Variants in DUSP29 observed in about 807,000 individuals in gnomAD.
The protein encoded by DUSP29 is dual specificity phosphatase 29, also known as atypical dual-specific protein phosphatase.
A neutral mutation model predicts 13.5 loss-of-function variants in DUSP29; 12 were observed. The ratio of observed to expected loss-of-function variants is 0.89; its 90% CI spans 0.57 to 1.44. The LOEUF (loss-of-function observed/expected upper bound fraction) is 1.44. DUSP29 is among the 40% of genes most tolerant of loss of function. The probability of loss-of-function intolerance (pLI) is 0.00; values close to 1 mark genes in which losing one functional copy is unlikely to be tolerated. For missense variants in DUSP29, 308 were observed against 301.1 expected (o/e 1.02, Z -0.17); for synonymous variants, 134 against 128.7 (o/e 1.04, Z -0.28).
At chr10:75,060,855 A>C (rs1315284186) in intron 1 of DUSP29, among the ~76,000 whole-genome samples, 1 of 152,226 alleles carries the variant, frequency 6.6e-6, no homozygotes, top group African/African-American at 2.4e-5. Context: ...TTCCGAGGAC[A>C]GTTACGTTAT....
chr10:75,043,816 T>C lies in DUSP29; in HGVS notation c.402A>G (p.Arg134=). 5 of 1,613,402 alleles carry C rather than the reference T, an allele frequency of 3.1e-6. No individual in the cohort carries two copies. The highest frequency in any genetic ancestry group is 1.1e-5 in the South Asian group (1 of 91,068). Residue 134 remains arginine (R), a synonymous_variant, in exon 3 of 4, where the codon AGA becomes AGG. Coordinates refer to ENST00000338487, the MANE Select transcript of DUSP29 (RefSeq NM_001003892.3). ...FFYPAAAFID[R]ALSDDHSKIL... ...TCTTACTGTGGTCGTCGCTTAGCGC[T>C]CTGTCGATGAAGGCTGCCGCCGGGT...
At chr10:75,038,676 G>A (rs983798614) in intron 3 of DUSP29, among the ~76,000 whole-genome samples, 12 of 149,926 alleles carry the variant, frequency 8.0e-5, no homozygotes, top group Non-Finnish European at 1.5e-4. Flanking sequence ...CTGTTAAGTG[G>A]CAGAGGGGAG....
chr10:75,059,960 A>T (rs1847051093), intron 1 of DUSP29, among the ~76,000 whole-genome samples: 1 of 152,078 alleles, frequency 6.6e-6, no homozygotes, highest in South Asian at 2.1e-4. Context: ...GGAGTTCAAG[A>T]CCAGACTGCC....
chr10:75,067,796 A>G (rs960915377), intron 1 of DUSP29, among the ~76,000 whole-genome samples: 2 of 151,780 alleles, frequency 1.3e-5, no homozygotes, highest in African/African-American at 4.8e-5. Context: ...CCCTGTCTCT[A>G]TAAGAAAATA....
intron 1 of DUSP29, among the ~76,000 whole-genome samples, chr10:75,070,889 A>G (rs190492955): frequency 6.6e-6 from 1 of 152,212 alleles, no homozygotes; most frequent in Admixed American, 6.5e-5. Flanking sequence ...GTGAATGGTC[A>G]CCAGAAGAGG....
chr10:75,058,335 G>C lies in DUSP29; in HGVS notation c.180C>G (p.Pro60=), dbSNP rs1847010193. Residue 60 remains proline, a synonymous_variant, in exon 2 of 4, where the codon CCC becomes CCG. Coordinates refer to ENST00000338487, the MANE Select transcript of DUSP29 (RefSeq NM_001003892.3). ...PQYTHVNEVW[P]KLYIGDEATA... ...CTTACTCATCGCCAATGTAGAGCTT[G>C]GGCCAGACCTCGTTGACGTGGGTGT... The C allele has an allele frequency of 9.9e-6, 16 of 1,613,888 alleles. No homozygotes were observed. The highest frequency in any genetic ancestry group is 1.4e-5 in the Non-Finnish European group (16 of 1,179,922).
At chr10:75,047,211 A>C (rs1846725831) in intron 2 of DUSP29, among the ~76,000 whole-genome samples, 1 of 152,172 alleles carries the variant, frequency 6.6e-6, no homozygotes, top group Non-Finnish European at 1.5e-5. Flanking sequence ...ATCCTCACAC[A>C]TCACTCTGGG....
chr10:75,063,776 T>G (rs1014381812), intron 1 of DUSP29, among the ~76,000 whole-genome samples: 2 of 152,162 alleles, frequency 1.3e-5, no homozygotes, highest in Non-Finnish European at 1.5e-5. Flanking sequence ...TAAACCAAGG[T>G]ACAGCTAATT....
At chr10:75,065,647 G>A (rs1847184630) in intron 1 of DUSP29, among the ~76,000 whole-genome samples, 1 of 151,856 alleles carries the variant, frequency 6.6e-6, no homozygotes, top group African/African-American at 2.4e-5. Flanking sequence ...ATTTTGAAGA[G>A]CCACATACAG....
chr10:75,070,890 C>G (rs923314845), intron 1 of DUSP29, among the ~76,000 whole-genome samples: 1 of 152,198 alleles, frequency 6.6e-6, no homozygotes, highest in Admixed American at 6.5e-5. Flanking sequence ...TGAATGGTCA[C>G]CAGAAGAGGA....
chr10:75,039,102 T>C (rs1294230472), intron 3 of DUSP29, among the ~76,000 whole-genome samples: 1 of 152,214 alleles, frequency 6.6e-6, no homozygotes, highest in Non-Finnish European at 1.5e-5. Flanking sequence ...TCCCAACTTC[T>C]GTCAGAGCTC....
chr10:75,071,090 C>G (rs116282691), intron 1 of DUSP29, among the ~76,000 whole-genome samples: 39 of 152,310 alleles, frequency 2.6e-4, no homozygotes, highest in African/African-American at 8.7e-4. Flanking sequence ...GGCACCAGAG[C>G]AAAGGGGCTA....
chr10:75,054,544 C>T (rs1266518487), intron 2 of DUSP29, among the ~76,000 whole-genome samples: 1 of 151,946 alleles, frequency 6.6e-6, no homozygotes, highest in East Asian at 1.9e-4. Flanking sequence ...AAACAAATTC[C>T]AAAACCAAAA....
At chr10:75,042,824 A>G (rs1432158720) in intron 3 of DUSP29, among the ~76,000 whole-genome samples, 1 of 152,244 alleles carries the variant, frequency 6.6e-6, no homozygotes, top group East Asian at 1.9e-4. Context: ...GTAACCAGAT[A>G]CCCTGAATTA....
intron 3 of DUSP29, among the ~76,000 whole-genome samples, chr10:75,042,147 G>A (rs1385499039): frequency 1.3e-5 from 2 of 152,224 alleles, no homozygotes; most frequent in African/African-American, 2.4e-5. Flanking sequence ...CGCTTTACGC[G>A]CGTTACTGCT....
At chr10:75,038,656 G>A (rs545200933) in intron 3 of DUSP29, among the ~76,000 whole-genome samples, 35 of 151,726 alleles carry the variant, frequency 2.3e-4, no homozygotes, top group African/African-American at 7.7e-4. Context: ...GCCTTTTGGG[G>A]GCCTGAATTC....
chr10:75,057,295 GA>G (rs920555843), intron 2 of DUSP29, among the ~76,000 whole-genome samples: 68 of 151,640 alleles, frequency 4.5e-4, no homozygotes, highest in Non-Finnish European at 9.1e-4. Context: ...AAAAGAAAAA[GA>G]AAAAAAATAA....
intron 3 of DUSP29, 97 bp downstream of exon 3, chr10:75,043,700 T>G: frequency 5.6e-6 from 6 of 1,064,202 alleles, no homozygotes; most frequent in Non-Finnish European, 7.8e-6. Context: ...GGCGGAGCCT[T>G]AGTGGGGCGG....
chr10:75,065,678 C>T (rs1190481868), intron 1 of DUSP29, among the ~76,000 whole-genome samples: 1 of 150,196 alleles, frequency 6.7e-6, no homozygotes, highest in East Asian at 1.9e-4. Flanking sequence ...TAACAGAAAG[C>T]ACAATTTAAG....
Sources: gnomAD v4.1 joint callset for allele counts (sites outside exome capture counted in the v4.1 genomes callset) on GRCh38, gnomAD v4.1.1 for gene constraint, MANE v1.5 for transcripts, NCBI Gene and HGNC (gene_info 2026-07-23, HGNC 2026-07-21) for gene names.